Variants in LPP observed in about 807,000 individuals in gnomAD.
The protein encoded by LPP is LIM domain containing preferred translocation partner in lipoma.
LPP carries 38 observed loss-of-function variants against 60.4 expected under a neutral mutation model. The observed-to-expected ratio is 0.63, with a 90% confidence interval of 0.49 to 0.83. The LOEUF is 0.83. Among genes scored for constraint, LPP ranks in the 40% least tolerant of loss-of-function variants. LPP has a pLI of 0.00. For missense variants in LPP, 902 were observed against 783.6 expected (o/e 1.15, Z -1.80); for synonymous variants, 328 against 290.8 (o/e 1.13, Z -1.30).
intron 3 of LPP, among the ~76,000 whole-genome samples, chr3:188,388,513 T>C (rs1186448146): frequency 6.6e-6 from 1 of 151,530 alleles, no homozygotes; most frequent in Non-Finnish European, 1.5e-5. Flanking sequence ...AGATGGGAGG[T>C]CAAAGCAGTA....
At chr3:188,804,053 G>T (rs1289300650) in intron 9 of LPP, among the ~76,000 whole-genome samples, 1 of 150,550 alleles carries the variant, frequency 6.6e-6, no homozygotes, top group Non-Finnish European at 1.5e-5. Context: ...CCATGTTTTG[G>T]GGTGCTTTTA....
intron 2 of LPP, among the ~76,000 whole-genome samples, chr3:188,240,735 G>A (rs1320257454): frequency 6.6e-6 from 1 of 152,110 alleles, no homozygotes; most frequent in Non-Finnish European, 1.5e-5. Flanking sequence ...CCTCAGACAT[G>A]GTTTTGGTGG....
intron 6 of LPP, among the ~76,000 whole-genome samples, chr3:188,599,745 G>A (rs767858308): frequency 1.8e-4 from 16 of 86,528 alleles, no homozygotes; most frequent in East Asian, 3.9e-4. Context: ...TCGGGGACTC[G>A]TTAGGGGTGT....
At chr3:188,515,985 A>G (rs756530553) in intron 5 of LPP, among the ~76,000 whole-genome samples, 3 of 152,196 alleles carry the variant, frequency 2.0e-5, no homozygotes, top group African/African-American at 4.8e-5. Flanking sequence ...TACACTGCAT[A>G]CTACTTAGCA....
At chr3:188,664,008 T>C (rs6799436) in intron 7 of LPP, among the ~76,000 whole-genome samples, 140,419 of 152,230 alleles carry the variant, frequency 0.92, 65,730 homozygotes, top group East Asian at 1. Flanking sequence ...AGCCTGGGGA[T>C]TGGGGACACC....
chr3:188,873,363 G>A (rs186072555), intron 11 of LPP, among the ~76,000 whole-genome samples: 180 of 152,316 alleles, frequency 1.2e-3, no homozygotes, highest in African/African-American at 4.1e-3. Context: ...ATGGTAGATA[G>A]CAGAGGCGAG....
chr3:188,299,713 G>C (rs1196534628), intron 2 of LPP, among the ~76,000 whole-genome samples: 1 of 152,162 alleles, frequency 6.6e-6, no homozygotes, highest in Admixed American at 6.5e-5. Context: ...GGATGAGAGG[G>C]AAGTAAAACA....
At chr3:188,327,963 A>G (rs996039080) in intron 2 of LPP, among the ~76,000 whole-genome samples, 3 of 152,224 alleles carry the variant, frequency 2.0e-5, no homozygotes, top group African/African-American at 7.2e-5. Context: ...AAATAAATAT[A>G]TTTGTGAAAA....
In LPP at chr3:188,406,287, A is replaced by C. The variant is rs774667492; in HGVS notation, c.167A>C (p.Asn56Thr). Residue 56 changes from asparagine to threonine, a missense_variant, in exon 4 of 12, where the codon AAC becomes ACC. Physicochemically the swap from Asn to Thr is moderately conservative, Grantham distance 65 (BLOSUM62 0). Coordinates refer to ENST00000617246, the MANE Select transcript of LPP (RefSeq NM_001375462.1). ...GTAGTTGCTCCAAAACCTAAGTACA[A>C]CCCATACAAACAACCTGGAGGTGAG... is the stretch of plus-strand genomic sequence containing the variant. ...APVVAPKPKY[N>T]PYKQPGGEGD... 6.2e-7 allele frequency: 1 copy of C among 1,614,012 alleles called. No homozygotes were observed. The highest frequency in any genetic ancestry group is 1.1e-5 in the South Asian group (1 of 91,072).
intron 4 of LPP, among the ~76,000 whole-genome samples, chr3:188,428,629 C>T (rs1790117997): frequency 6.8e-6 from 1 of 148,112 alleles, no homozygotes; most frequent in Non-Finnish European, 1.5e-5. Context: ...ATTTTTAGAA[C>T]TGCTAAGGTA....
intron 6 of LPP, among the ~76,000 whole-genome samples, chr3:188,580,591 T>C (rs1381571874): frequency 6.6e-6 from 1 of 152,190 alleles, no homozygotes; most frequent in Non-Finnish European, 1.5e-5. Context: ...GCAGTATTTG[T>C]TGTATTTAGG....
intron 2 of LPP, among the ~76,000 whole-genome samples, chr3:188,250,788 G>GTCTGTCTT (rs1729081332): frequency 4.2e-5 from 2 of 48,072 alleles, no homozygotes; most frequent in African/African-American, 1.9e-4. Context: ...CTTTCTTTCT[G>GTCTGTCTT]TCTTTCTCTT....
At chr3:188,379,749 T>C (rs1488476995) in intron 3 of LPP, among the ~76,000 whole-genome samples, 3 of 152,244 alleles carry the variant, frequency 2.0e-5, no homozygotes, top group Non-Finnish European at 2.9e-5. Flanking sequence ...AAGATTCATC[T>C]ATGTTGCAGC....
chr3:188,629,188 T>G (rs1232006274), intron 7 of LPP, among the ~76,000 whole-genome samples: 1 of 152,130 alleles, frequency 6.6e-6, no homozygotes, highest in Non-Finnish European at 1.5e-5. Context: ...CCTTGAGAAC[T>G]GGAACAAGAC....
chr3:188,587,684 A>ATT (rs1337882853), intron 6 of LPP, among the ~76,000 whole-genome samples: 4 of 152,194 alleles, frequency 2.6e-5, no homozygotes, highest in African/African-American at 9.7e-5. Flanking sequence ...TGGAATTTAG[A>ATT]TTAAGAGATT....
rs1455462671 is a variant in LPP at position 188,495,995 on chromosome 3, T to TA, written c.306+11291_306+11292insA. On this transcript the variant is annotated intron_variant, in intron 5 of 11. Coordinates refer to ENST00000617246, the MANE Select transcript of LPP (RefSeq NM_001375462.1). ...CATTTTTGTACTCTTACTATATAAC[T>TA]TAAAATATATTATAGCATGGGGTGT... Among the ~76,000 whole-genome samples, 26 of 152,334 alleles carry TA rather than the reference T, an allele frequency of 1.7e-4. No individual in the cohort carries two copies. In the East Asian group the frequency reaches 4.8e-3, roughly 28 times the overall value.
intron 7 of LPP, among the ~76,000 whole-genome samples, chr3:188,632,849 C>T (rs538606701): frequency 5.9e-5 from 9 of 152,112 alleles, no homozygotes; most frequent in Non-Finnish European, 1.2e-4. Flanking sequence ...CTCTACCCCA[C>T]GTTCGTTTTC....
chr3:188,300,024 A>G (rs1465475454), intron 2 of LPP, among the ~76,000 whole-genome samples: 1 of 152,342 alleles, frequency 6.6e-6, no homozygotes, highest in East Asian at 1.9e-4. Flanking sequence ...CTAAAACAGA[A>G]CAGACATTTC....
intron 2 of LPP, among the ~76,000 whole-genome samples, chr3:188,248,495 T>TATATATATATAC (rs1358563921): frequency 9.4e-5 from 13 of 138,578 alleles, no homozygotes; most frequent in African/African-American, 2.9e-4. Context: ...TATATATATA[T>TATATATATATAC]ATACAGTCAG....
Sources: allele counts gnomAD v4.1 joint callset (sites outside exome capture counted in the v4.1 genomes callset), GRCh38; gene constraint gnomAD v4.1.1; transcripts MANE v1.5; gene names NCBI Gene and HGNC (gene_info 2026-07-23, HGNC 2026-07-21).